PRR5: variants seen among roughly 807,000 people sequenced by gnomAD.
PRR5 encodes the protein proline-rich protein 5.
Under a neutral mutation model 30.6 loss-of-function variants are expected in PRR5, and 25 were observed. The observed-to-expected ratio is 0.82, with a 90% CI of 0.60 to 1.14. The LOEUF is 1.14. Ranked by LOEUF, PRR5 falls within the 50% of genes most tolerant of loss-of-function variation. The probability of loss-of-function intolerance (pLI) is 0.00; values close to 1 mark genes in which losing one functional copy is unlikely to be tolerated. For missense variants in PRR5, 600 were observed against 547.1 expected (o/e 1.10, Z -0.96); for synonymous variants, 286 against 247.1 (o/e 1.16, Z -1.48).
At chr22:44,731,700 G>A in intron 4 of PRR5, 30 bp from the exon 5 acceptor site, 3 of 1,610,498 alleles carry the variant, frequency 1.9e-6, no homozygotes, top group Non-Finnish European at 2.5e-6. Flanking sequence ...CGCCAGTCAG[G>A]CCCAGTGGTG....
intron 1 of PRR5, chr22:44,679,669 G>T (rs1398890407): frequency 1.2e-6 from 1 of 816,078 alleles, no homozygotes; most frequent in African/African-American, 1.7e-5. Flanking sequence ...TCGCCCCATT[G>T]CACTCCAGCC....
At chr22:44,715,741 C>A (rs1273185183) in intron 2 of PRR5, among the ~76,000 whole-genome samples, 1 of 152,148 alleles carries the variant, frequency 6.6e-6, no homozygotes, top group Non-Finnish European at 1.5e-5. Flanking sequence ...CAACCTCTGC[C>A]TCCTGGGCTG....
At chr22:44,696,238 T>C (rs1303955021) in intron 1 of PRR5, among the ~76,000 whole-genome samples, 1 of 152,138 alleles carries the variant, frequency 6.6e-6, no homozygotes, top group Non-Finnish European at 1.5e-5. Flanking sequence ...CTGACAACTT[T>C]GACACAAAGG....
In PRR5 at chr22:44,680,525, C is replaced by T. The variant is rs1020633899; in HGVS notation, c.-11+3285C>T. On this transcript the variant is annotated intron_variant, in intron 1 of 8. Transcript: ENST00000006251. ...AGCGAGGAGGTGGGCATCCCAGAGC[C>T]GCAGCAGTGGCAGCGCTGCCTCCAT... Among the ~76,000 whole-genome samples, 11 of 152,298 alleles carry T rather than the reference C, an allele frequency of 7.2e-5. No homozygotes were observed. In the East Asian group the frequency reaches 1.4e-3, roughly 19 times the overall value.
intron 4 of PRR5, among the ~76,000 whole-genome samples, chr22:44,727,268 C>G (rs1434235127): frequency 4.6e-5 from 7 of 152,226 alleles, no homozygotes; most frequent in African/African-American, 1.7e-4. Flanking sequence ...TTGGGCTTCC[C>G]GTGGCCGAGA....
chr22:44,669,484 T>C (rs1235856570), intron 1 of PRR5, among the ~76,000 whole-genome samples: 1 of 152,166 alleles, frequency 6.6e-6, no homozygotes, highest in African/African-American at 2.4e-5. Flanking sequence ...GGTCAGAACC[T>C]GGGGAGACAC....
intron 6 of PRR5, chr22:44,734,750 G>A (rs897086200): frequency 4.6e-5 from 24 of 522,570 alleles, no homozygotes; most frequent in Middle Eastern, 5.1e-4. Context: ...GGAAGGTGCA[G>A]AACACCCATC....
exon 1 of PRR5, chr22:44,677,071 A>C (rs928186004): frequency 2.0e-5 from 3 of 152,332 alleles, no homozygotes; most frequent in African/African-American, 7.2e-5. Flanking sequence ...GGCTGCCCCC[A>C]AGGCCAGGCA....
chr22:44,728,099 C>T lies in PRR5; in HGVS notation c.322+1465C>T, dbSNP rs190039565. On this transcript the variant is annotated intron_variant, in intron 4 of 7. Transcript: ENST00000336985. The stretch of plus-strand genomic sequence containing the variant: ...GGCTTGAAAGGAGCTCTGCGTGGGA[C>T]AGCCAGGTCTGCCAGGCCTCCCAGC... Among the ~76,000 whole-genome samples, 15 of 152,298 alleles carry T rather than the reference C, an allele frequency of 9.8e-5. No individual in the cohort carries two copies. The East Asian group carries it at 2.5e-3, about 26-fold the overall frequency.
At chr22:44,724,331 G>A (rs922677888) in intron 2 of PRR5, among the ~76,000 whole-genome samples, 1 of 152,132 alleles carries the variant, frequency 6.6e-6, no homozygotes, top group Non-Finnish European at 1.5e-5. Flanking sequence ...AGCTACTCAG[G>A]AGGCTGAGGC....
rs567168265 is a variant in PRR5, at chr22:44,714,794, C to T, written c.215+123C>T. 2.9e-4 allele frequency: 371 copies of T among 1,293,268 alleles called. 2 individuals carry two copies. The African/African-American group carries it at 5.0e-3, about 17-fold the overall frequency. The allele number at this position is 1,293,268 out of a possible 1,614,324, so 80.1% of individuals were successfully genotyped here. On this transcript the variant is annotated intron_variant, in intron 2 of 7. Transcript: ENST00000336985. Reference sequence around the variant, plus strand: ...CGCCTGTGCTTCCTCCCCTAGAGGCCATCTGTCAACAGGAGAGCGAGGCCC... The same window carrying T: ...CGCCTGTGCTTCCTCCCCTAGAGGCTATCTGTCAACAGGAGAGCGAGGCCC...
chr22:44,709,263 G>T (rs1364621489), intron 1 of PRR5, among the ~76,000 whole-genome samples: 1 of 152,124 alleles, frequency 6.6e-6, no homozygotes, highest in Non-Finnish European at 1.5e-5. Flanking sequence ...CAGATTTCTT[G>T]CCCTAGTTCC....
At chr22:44,698,602 G>T (rs538002496), upstream of PRR5, among the ~76,000 whole-genome samples, 2 of 152,294 alleles carry the variant, frequency 1.3e-5, no homozygotes, top group African/African-American at 4.8e-5. Flanking sequence ...GTGAGAGGAG[G>T]GCCCGGTGGG....
chr22:44,682,747 AG>A (rs1185859029), intron 1 of PRR5, among the ~76,000 whole-genome samples: 1 of 152,196 alleles, frequency 6.6e-6, no homozygotes, highest in African/African-American at 2.4e-5. Flanking sequence ...GCCAGAGCTG[AG>A]TAGCTGCTAA....
At chr22:44,729,938 G>A (rs924663691) in intron 4 of PRR5, 2 of 985,352 alleles carry the variant, frequency 2.0e-6, no homozygotes, top group African/African-American at 3.5e-5. Context: ...TTTGTGTGTG[G>A]GCACAGTTCG....
intron 1 of PRR5, among the ~76,000 whole-genome samples, chr22:44,713,187 G>A (rs1028845661): frequency 6.6e-6 from 1 of 152,222 alleles, no homozygotes; most frequent in East Asian, 1.9e-4. Flanking sequence ...AAAGCCCTGG[G>A]CAGGGAAGGA....
chr22:44,685,518 G>A (rs62230599), intron 1 of PRR5, among the ~76,000 whole-genome samples: 1 of 152,066 alleles, frequency 6.6e-6, no homozygotes, highest in African/African-American at 2.4e-5. Context: ...GGAGCCTTGC[G>A]CTTTCAGAGA....
At chr22:44,686,259 GA>G (rs201854372) in intron 1 of PRR5, among the ~76,000 whole-genome samples, 4 of 139,640 alleles carry the variant, frequency 2.9e-5, no homozygotes, top group African/African-American at 1.0e-4. Context: ...AAAACAAAAA[GA>G]AAAGAAAAAG....
intron 1 of PRR5, among the ~76,000 whole-genome samples, chr22:44,678,077 C>T (rs989853562): frequency 2.0e-5 from 3 of 152,160 alleles, no homozygotes; most frequent in African/African-American, 7.2e-5. Context: ...CCCAGAGTCA[C>T]GCGTGCAGCA....
Sources: allele counts gnomAD v4.1 joint callset (sites outside exome capture counted in the v4.1 genomes callset), GRCh38; gene constraint gnomAD v4.1.1; transcripts MANE v1.5; gene names NCBI Gene and HGNC (gene_info 2026-07-23, HGNC 2026-07-21).